WWOX: variants seen among roughly 807,000 people sequenced by gnomAD.
WWOX encodes the protein WW domain containing oxidoreductase.
Under a neutral mutation model 46.2 loss-of-function variants are expected in WWOX, and 69 were observed. That is an observed-to-expected ratio of 1.49 (90% CI 1.23 to 1.82). The LOEUF is 1.82. Among genes scored for constraint, WWOX ranks in the 40% most tolerant of loss-of-function variants. WWOX has a pLI of 0.00. For missense variants in WWOX, 919 were observed against 542.6 expected (o/e 1.69, Z -6.89); for synonymous variants, 359 against 202.6 (o/e 1.77, Z -6.56).
At chr16:78,212,555 G>A (rs1408095160) in intron 5 of WWOX, among the ~76,000 whole-genome samples, 1 of 152,192 alleles carries the variant, frequency 6.6e-6, no homozygotes, top group Admixed American at 6.5e-5. Context: ...TAGCTGAAAT[G>A]TGGGTGAGTT....
chr16:78,406,897 A>T (rs2082562682), intron 6 of WWOX, among the ~76,000 whole-genome samples: 1 of 152,202 alleles, frequency 6.6e-6, no homozygotes, highest in Non-Finnish European at 1.5e-5. Context: ...AAGTGCTGGG[A>T]TTACAGGCGT....
At chr16:79,185,235 C>G (rs556514688) in intron 8 of WWOX, among the ~76,000 whole-genome samples, 1 of 152,100 alleles carries the variant, frequency 6.6e-6, no homozygotes, top group Non-Finnish European at 1.5e-5. Flanking sequence ...GCATCATTTC[C>G]TGGTGAAGCC....
chr16:78,308,990 C>G (rs575700262), intron 5 of WWOX, among the ~76,000 whole-genome samples: 2 of 152,284 alleles, frequency 1.3e-5, no homozygotes, highest in South Asian at 4.1e-4. Context: ...ATGCTTGAAT[C>G]CATGTGATAT....
intron 8 of WWOX, among the ~76,000 whole-genome samples, chr16:78,727,262 G>T (rs1311425687): frequency 6.6e-6 from 1 of 152,138 alleles, no homozygotes; most frequent in East Asian, 1.9e-4. Flanking sequence ...AGCTGGGTTT[G>T]GTGACAAACG....
intron 8 of WWOX, among the ~76,000 whole-genome samples, chr16:78,778,340 A>G (rs1189697801): frequency 6.6e-6 from 1 of 152,200 alleles, no homozygotes; most frequent in Non-Finnish European, 1.5e-5. Context: ...GGCAGGTTTC[A>G]CGTAACTGAT....
chr16:78,398,920 A>G (rs1393883813), intron 6 of WWOX, among the ~76,000 whole-genome samples: 3 of 152,202 alleles, frequency 2.0e-5, no homozygotes, highest in African/African-American at 7.2e-5. Flanking sequence ...TATTACATTT[A>G]CTGCCTTCTA....
At chr16:78,109,684 G>A (rs1443584417) in intron 2 of WWOX, 94 bp from the exon 3 acceptor site, 10 of 1,279,190 alleles carry the variant, frequency 7.8e-6, no homozygotes, top group Non-Finnish European at 1.1e-5. Flanking sequence ...GGACAGGCTT[G>A]GGGGCGGGGC....
rs368695104 is a variant in WWOX at position 78,186,064 on chromosome 16, T to G, written c.516+21775T>G. ...GTGTGGCAGTTGAGTGCTTGAAAGGTAGTTAGTCCAGATTGAAATGAGCTG... is the reference window on the plus strand; with the variant it reads ...GTGTGGCAGTTGAGTGCTTGAAAGGGAGTTAGTCCAGATTGAAATGAGCTG... On this transcript the variant is annotated intron_variant, in intron 5 of 8. Coordinates refer to ENST00000566780, the MANE Select transcript of WWOX (RefSeq NM_016373.4). Among the ~76,000 whole-genome samples, 40 of 152,290 alleles carry G rather than the reference T, an allele frequency of 2.6e-4. No homozygotes were observed. In the South Asian group the frequency reaches 8.1e-3, roughly 31 times the overall value.
chr16:78,942,923 C>G (rs374167125), intron 8 of WWOX, among the ~76,000 whole-genome samples: 1 of 152,198 alleles, frequency 6.6e-6, no homozygotes, highest in Admixed American at 6.5e-5. Context: ...CCCCTCCTCT[C>G]TCTCAAGGAA....
At chr16:79,050,989 A>G (rs572248492) in intron 8 of WWOX, among the ~76,000 whole-genome samples, 13 of 152,212 alleles carry the variant, frequency 8.5e-5, no homozygotes, top group South Asian at 4.1e-4. Context: ...AACACAAGAC[A>G]CTGACCCAAA....
At chr16:78,578,284 A>ATATATAT (rs1555567122) in intron 8 of WWOX, among the ~76,000 whole-genome samples, 17 of 20,842 alleles carry the variant, frequency 8.2e-4, no homozygotes, top group Non-Finnish European at 1.2e-3. Context: ...ATATATATAT[A>ATATATAT]TTTTTTTTTT....
chr16:78,427,647 C>G (rs1333166119), intron 7 of WWOX, among the ~76,000 whole-genome samples: 1 of 152,046 alleles, frequency 6.6e-6, no homozygotes, highest in East Asian at 1.9e-4. Context: ...GGCTTGGTAG[C>G]ACATGCCTGT....
rs533455825 is a variant in WWOX, at chr16:78,624,721, C to T, written c.1056+191969C>T. 1.8e-4 allele frequency among the ~76,000 whole-genome samples: 27 copies of T among 152,240 alleles called. 1 individual carries two copies. The highest frequency in any genetic ancestry group is 1.5e-3 in the South Asian group (7 of 4,818). On this transcript the variant is annotated intron_variant, in intron 8 of 8. Coordinates refer to ENST00000566780, the MANE Select transcript of WWOX (RefSeq NM_016373.4). ...GTTGCCTTTCATGAACATAATATGTCTATCATTTGGAATTCTCCAGCACCC... is the reference window on the plus strand; with the variant it reads ...GTTGCCTTTCATGAACATAATATGTTTATCATTTGGAATTCTCCAGCACCC...
chr16:79,158,478 G>T (rs1298705578), intron 8 of WWOX, among the ~76,000 whole-genome samples: 1 of 147,404 alleles, frequency 6.8e-6, no homozygotes, highest in Non-Finnish European at 1.5e-5. Context: ...CCCCTTCATG[G>T]CTTCCCACCA....
chr16:78,230,532 C>T (rs904704626), intron 5 of WWOX, among the ~76,000 whole-genome samples: 1 of 152,208 alleles, frequency 6.6e-6, no homozygotes, highest in Non-Finnish European at 1.5e-5. Flanking sequence ...TTTGCTTGAC[C>T]ATATCCTGCT....
chr16:78,910,037 C>A (rs1301876417), intron 8 of WWOX, among the ~76,000 whole-genome samples: 1 of 152,128 alleles, frequency 6.6e-6, no homozygotes, highest in African/African-American at 2.4e-5. Context: ...GATGTAATTG[C>A]CCATGCAACC....
intron 5 of WWOX, among the ~76,000 whole-genome samples, chr16:78,368,331 T>C (rs1027499686): frequency 2.6e-4 from 40 of 152,298 alleles, no homozygotes; most frequent in Admixed American, 1.8e-3. Flanking sequence ...CTGGAACATA[T>C]GGCCCTTAGC....
At chr16:79,190,729 G>C (rs1364798533) in intron 8 of WWOX, among the ~76,000 whole-genome samples, 1 of 151,566 alleles carries the variant, frequency 6.6e-6, no homozygotes, top group African/African-American at 2.4e-5. Context: ...GTTTGTTTTT[G>C]TAAATAAAGT....
At position 79,187,432 on chromosome 16, in the gene WWOX, G is replaced by A. The variant is rs559301223; in HGVS notation, c.1057-24176G>A. On this transcript the variant is annotated intron_variant, in intron 8 of 8. Coordinates refer to ENST00000566780, the MANE Select transcript of WWOX (RefSeq NM_016373.4). ...TGTTGTGTTTTTGAGACAGAGTATC[G>A]CTCTGTCACCCAGGCTGGAGTGCAG... is the stretch of plus-strand genomic sequence containing the variant. 5.3e-5 allele frequency among the ~76,000 whole-genome samples: 8 copies of A among 152,094 alleles called. No homozygotes were observed. In the South Asian group the frequency reaches 1.2e-3, roughly 24 times the overall value.
Sources: gnomAD v4.1 joint callset for allele counts (sites outside exome capture counted in the v4.1 genomes callset) on GRCh38, gnomAD v4.1.1 for gene constraint, MANE v1.5 for transcripts, NCBI Gene and HGNC (gene_info 2026-07-23, HGNC 2026-07-21) for gene names.